Variants in TCERG1 observed in about 807,000 individuals in gnomAD.
TCERG1 encodes TATA box binding protein (TBP)-associated factor, RNA polymerase II, S, 150kD.
In TCERG1, 37 loss-of-function variants were observed where a neutral mutation model predicts 144.7. The ratio of observed to expected loss-of-function variants is 0.26; its 90% CI spans 0.20 to 0.34. The LOEUF is 0.34. Ranked by LOEUF, TCERG1 falls within the 10% of genes least tolerant of loss-of-function variation. TCERG1 has a pLI of 1.00. For synonymous variants in TCERG1, 492 were observed against 458.2 expected (o/e 1.07, Z -0.94); for missense variants, 1,027 against 1,380.7 (o/e 0.74, Z 4.06).
chr5:146,488,295 A>T (rs188915328), intron 15 of TCERG1, among the ~76,000 whole-genome samples: 12 of 152,300 alleles, frequency 7.9e-5, no homozygotes, highest in Admixed American at 6.5e-4. Flanking sequence ...AACAGTGAAG[A>T]CATCCTACAG....
chr5:146,457,111 T>G (rs1762896534), intron 2 of TCERG1, 72 bp from the exon 3 acceptor site: 1 of 1,558,212 alleles, frequency 6.4e-7, no homozygotes, highest in South Asian at 1.2e-5. Flanking sequence ...TGTTTTACTT[T>G]TGAATAGAAT....
chr5:146,457,420 C>T (rs1762920086), intron 3 of TCERG1, 85 bp downstream of exon 3: 7 of 1,308,924 alleles, frequency 5.3e-6, no homozygotes, highest in East Asian at 2.6e-5. Context: ...GTCAGTGATA[C>T]TGTCATTTAA....
chr5:146,484,487 A>G (rs1405360194), intron 15 of TCERG1, among the ~76,000 whole-genome samples: 1 of 152,192 alleles, frequency 6.6e-6, no homozygotes, highest in African/African-American at 2.4e-5. Context: ...TAATGTAACA[A>G]TTGAAATAAT....
At chr5:146,468,261 T>TAA in intron 5 of TCERG1, 80 bp from the exon 6 acceptor site, 1 of 1,105,278 alleles carries the variant, frequency 9.0e-7, no homozygotes, top group Non-Finnish European at 1.3e-6. Flanking sequence ...ATTGTAGTGG[T>TAA]AAATTATTTC....
intron 1 of TCERG1, among the ~76,000 whole-genome samples, chr5:146,448,180 G>A (rs963577255): frequency 3.9e-5 from 6 of 152,208 alleles, no homozygotes; most frequent in African/African-American, 1.4e-4. Context: ...GCCTCGTGGA[G>A]GTTGAGTCAG....
chr5:146,474,673 G>A (rs116816855), intron 9 of TCERG1, among the ~76,000 whole-genome samples: 29 of 152,290 alleles, frequency 1.9e-4, no homozygotes, highest in Non-Finnish European at 3.8e-4. Context: ...CCAGTCATCA[G>A]CAACCACCAG....
At chr5:146,499,565 A>G (rs1265070709) in intron 17 of TCERG1, 1 of 152,192 alleles carries the variant, frequency 6.6e-6, no homozygotes, top group Non-Finnish European at 1.5e-5. Flanking sequence ...TTAAAAAATG[A>G]TTATGCTTCT....
intron 2 of TCERG1, 58 bp from the exon 3 acceptor site, chr5:146,457,125 G>A (rs368820374): frequency 6.3e-7 from 1 of 1,577,428 alleles, no homozygotes. Context: ...ATAGAATTCA[G>A]TAATAATTTG....
chr5:146,453,265 A>G (rs1001207937), intron 1 of TCERG1, among the ~76,000 whole-genome samples: 3 of 152,162 alleles, frequency 2.0e-5, no homozygotes, highest in African/African-American at 7.2e-5. Context: ...TGATCTGCCA[A>G]GTGACCCCCC....
At chr5:146,450,570 C>G (rs1365059075) in intron 1 of TCERG1, among the ~76,000 whole-genome samples, 1 of 152,162 alleles carries the variant, frequency 6.6e-6, no homozygotes, top group Non-Finnish European at 1.5e-5. Flanking sequence ...ATAGCACTTA[C>G]ATACTAAGCA....
At chr5:146,466,585 A>G (rs1461067824) in intron 5 of TCERG1, among the ~76,000 whole-genome samples, 1 of 152,228 alleles carries the variant, frequency 6.6e-6, no homozygotes, top group East Asian at 1.9e-4. Flanking sequence ...AGGAAAATTG[A>G]ACAAAAGCTC....
Position 146,507,781 on chromosome 5 carries a change from C to A in TCERG1, c.2962-92C>A. 1 of 748,742 alleles carries A rather than the reference C, an allele frequency of 1.3e-6. No individual in the cohort carries two copies. The highest frequency in any genetic ancestry group is 2.1e-6 in the Non-Finnish European group (1 of 468,192). 46.4% of individuals were successfully genotyped at this position (748,742 alleles called of 1,614,324 possible). ...TTGGGCATTACAAGAGATCGCAGGT[C>A]AGTGTGTAATATTATGTACCTATGT... On this transcript the variant is annotated intron_variant, in intron 20 of 22. Transcript: ENST00000679501. This position sits in a 1 kb window ranked among gnomAD's most constrained non-coding sequence, Gnocchi z 4.6.
At chr5:146,469,442 C>A (rs1764092330) in intron 6 of TCERG1, 102 bp from the exon 7 acceptor site, 4 of 950,890 alleles carry the variant, frequency 4.2e-6, no homozygotes, top group Non-Finnish European at 4.5e-6. Flanking sequence ...CTGGTCCATT[C>A]ATTTATTAAT....
chr5:146,484,251 T>A (rs1183004608), intron 15 of TCERG1, among the ~76,000 whole-genome samples: 1 of 152,184 alleles, frequency 6.6e-6, no homozygotes, highest in Non-Finnish European at 1.5e-5. Flanking sequence ...AGGGTCCCTG[T>A]TGAATTAGTG....
chr5:146,473,351 T>C (rs12522316), intron 9 of TCERG1, among the ~76,000 whole-genome samples: 37,187 of 151,980 alleles, frequency 0.24, 5,660 homozygotes, highest in East Asian at 0.83. Context: ...TGGAAGCTAG[T>C]AGAGGTTGGT....
chr5:146,501,092 A>G (rs1767397662), intron 17 of TCERG1, among the ~76,000 whole-genome samples: 1 of 152,132 alleles, frequency 6.6e-6, no homozygotes, highest in African/African-American at 2.4e-5. Flanking sequence ...ATATTATTAT[A>G]ACCAATTTTT....
intron 10 of TCERG1, among the ~76,000 whole-genome samples, chr5:146,479,092 T>G (rs574328100): frequency 2.5e-4 from 38 of 152,306 alleles, no homozygotes; most frequent in African/African-American, 8.4e-4. Context: ...TTCCTGAGAC[T>G]AGACACCTAA....
At chr5:146,458,537 A>G (rs909923928) in intron 3 of TCERG1, among the ~76,000 whole-genome samples, 5 of 150,298 alleles carry the variant, frequency 3.3e-5, no homozygotes, top group African/African-American at 1.2e-4. Flanking sequence ...CAGTGGTATG[A>G]TCTCGGCGCA....
intron 3 of TCERG1, among the ~76,000 whole-genome samples, chr5:146,458,478 A>AT (rs1282807657): frequency 3.0e-5 from 4 of 131,452 alleles, no homozygotes; most frequent in African/African-American, 1.2e-4. Context: ...GCGCCCAGCT[A>AT]TTTTTTATTT....
Sources: gnomAD v4.1 joint callset for allele counts (sites outside exome capture counted in the v4.1 genomes callset) on GRCh38, gnomAD v4.1.1 for gene constraint, Gnocchi (gnomAD v3.1) non-coding constraint, MANE v1.5 for transcripts, NCBI Gene and HGNC (gene_info 2026-07-23, HGNC 2026-07-21) for gene names.